The following TBC1D15 variants were observed in gnomAD, a reference collection of about 807,000 sequenced individuals.
TBC1D15 encodes the protein TBC1 domain family member 15, also known as GAP for RAB7.
Under a neutral mutation model 95.4 loss-of-function variants are expected in TBC1D15, and 39 were observed. The observed-to-expected ratio is 0.41, with a 90% confidence interval of 0.32 to 0.53. TBC1D15 has a LOEUF of 0.53. Among genes scored for constraint, TBC1D15 ranks in the 20% least tolerant of loss-of-function variants. TBC1D15 has a pLI of 0.29. For synonymous variants in TBC1D15, 258 were observed against 261.3 expected, an observed-to-expected ratio of 0.99 and a Z score of 0.12; for missense variants, 733 against 794.3, an observed-to-expected ratio of 0.92 and a Z score of 0.93.
chr12:71,855,156 C>T (rs574394660), intron 1 of TBC1D15, among the ~76,000 whole-genome samples: 38 of 152,172 alleles, frequency 2.5e-4, no homozygotes, highest in African/African-American at 8.7e-4. Context: ...GGGAAACTGC[C>T]ACTTTTAAAC....
intron 1 of TBC1D15, among the ~76,000 whole-genome samples, chr12:71,857,379 AT>A (rs535515000): frequency 1.6e-4 from 25 of 152,184 alleles, no homozygotes; most frequent in African/African-American, 5.5e-4. Context: ...TAACAAAATA[AT>A]TTTTTTGTGA....
At chr12:71,839,833 G>C (rs970589387) in intron 1 of TBC1D15, 22 bp downstream of exon 1, 1 of 1,614,146 alleles carries the variant, frequency 6.2e-7, no homozygotes, top group Non-Finnish European at 8.5e-7. Flanking sequence ...CCTCCAGGAA[G>C]ACCTCGGCTT....
At chr12:71,874,611 T>C (rs969559764) in intron 3 of TBC1D15, among the ~76,000 whole-genome samples, 1 of 151,162 alleles carries the variant, frequency 6.6e-6, no homozygotes, top group Non-Finnish European at 1.5e-5. Flanking sequence ...TTTATTTATT[T>C]ATATTTACTA....
At position 71,855,560 on chromosome 12, in the gene TBC1D15, T is replaced by A. The variant is rs186005022; in HGVS notation, c.30+15749T>A. 1.4e-3 allele frequency among the ~76,000 whole-genome samples: 201 copies of A among 147,998 alleles called. 2 individuals are homozygous for A. The highest frequency in any genetic ancestry group is 1.3e-3 in the Non-Finnish European group (90 of 67,520). ...GTGTGTGCCTGTAGTCCCAGCTACT[T>A]GGGAGGCTGAGGCAGGAGAATGGTG... On this transcript the variant is annotated intron_variant, in intron 1 of 16. Coordinates refer to ENST00000485960, the MANE Select transcript of TBC1D15 (RefSeq NM_001146213.3).
At chr12:71,841,802 C>A (rs1376867510) in intron 1 of TBC1D15, among the ~76,000 whole-genome samples, 1 of 152,116 alleles carries the variant, frequency 6.6e-6, no homozygotes. Context: ...CTGATAATCT[C>A]TTGATTTAAA....
chr12:71,855,390 A>G (rs1361747494), intron 1 of TBC1D15, among the ~76,000 whole-genome samples: 2 of 152,146 alleles, frequency 1.3e-5, no homozygotes, highest in Non-Finnish European at 2.9e-5. Context: ...CATACTTACC[A>G]TATAGCTGAA....
intron 16 of TBC1D15, among the ~76,000 whole-genome samples, chr12:71,922,708 A>G (rs912464078): frequency 3.3e-5 from 5 of 152,242 alleles, no homozygotes; most frequent in Non-Finnish European, 5.9e-5. Context: ...AAAGAGATAA[A>G]TGCCAAATAT....
chr12:71,880,374 T>C lies in TBC1D15; in HGVS notation c.205-95T>C, dbSNP rs943237891. On this transcript the variant is annotated intron_variant, in intron 3 of 16. Coordinates refer to ENST00000485960, the MANE Select transcript of TBC1D15 (RefSeq NM_001146213.3). ...CAGTTTTCCCACCAGTGATGTCGTC[T>C]GCAGCCTGCCTACAAACATTGAAGC... 1.6e-5 allele frequency: 17 copies of C among 1,074,006 alleles called. No homozygotes were observed. The South Asian group carries it at 2.6e-4, about 17-fold the overall frequency. 66.5% of individuals were successfully genotyped at this position (1,074,006 alleles called of 1,614,324 possible).
At chr12:71,872,398 T>C (rs1381221833) in intron 2 of TBC1D15, among the ~76,000 whole-genome samples, 1 of 152,190 alleles carries the variant, frequency 6.6e-6, no homozygotes, top group East Asian at 1.9e-4. Context: ...TTATCAAAAA[T>C]GCATTTAATA....
chr12:71,912,231 A>G (rs182794791), intron 11 of TBC1D15, among the ~76,000 whole-genome samples: 20 of 152,184 alleles, frequency 1.3e-4, no homozygotes, highest in Admixed American at 1.0e-3. Flanking sequence ...TATTTTAGAA[A>G]CCATCTGTGT....
At chr12:71,917,540 G>A (rs529125484) in intron 12 of TBC1D15, among the ~76,000 whole-genome samples, 158 bp from the exon 13 acceptor site, 39 of 152,130 alleles carry the variant, frequency 2.6e-4, no homozygotes, top group African/African-American at 8.9e-4. Flanking sequence ...CTCCCTTTTA[G>A]TGTTACGTTA....
chr12:71,892,849 G>A (rs759980181), intron 5 of TBC1D15, among the ~76,000 whole-genome samples: 1 of 151,366 alleles, frequency 6.6e-6, no homozygotes, highest in African/African-American at 2.4e-5. Context: ...GTCTGTTTTG[G>A]CTTTCTTTAA....
intron 11 of TBC1D15, among the ~76,000 whole-genome samples, chr12:71,908,834 G>A (rs1310529334): frequency 6.6e-6 from 1 of 152,204 alleles, no homozygotes. Context: ...GATTCAGAGT[G>A]TGACTTATGG....
intron 5 of TBC1D15, among the ~76,000 whole-genome samples, chr12:71,887,545 C>T (rs980312925): frequency 6.6e-6 from 1 of 152,140 alleles, no homozygotes; most frequent in Non-Finnish European, 1.5e-5. Flanking sequence ...CCTAAAACCC[C>T]CTAAACTCTT....
intron 11 of TBC1D15, chr12:71,907,741 C>T (rs761129512): frequency 2.6e-5 from 4 of 152,196 alleles, no homozygotes; most frequent in Middle Eastern, 3.4e-3. Context: ...GTTTGCAAAC[C>T]GTTGTTTGAT....
chr12:71,914,568 C>T (rs1440091857), intron 12 of TBC1D15, among the ~76,000 whole-genome samples: 1 of 151,820 alleles, frequency 6.6e-6, no homozygotes, highest in African/African-American at 2.4e-5. Flanking sequence ...TCTCTTCAAG[C>T]AATCTCAGAA....
At chr12:71,870,864 A>T (rs1346115029) in intron 1 of TBC1D15, among the ~76,000 whole-genome samples, 1 of 152,192 alleles carries the variant, frequency 6.6e-6, no homozygotes, top group Admixed American at 6.5e-5. Context: ...AAACAGGAAG[A>T]TACATACCTA....
chr12:71,859,280 A>G (rs1417528377), intron 1 of TBC1D15, among the ~76,000 whole-genome samples: 2 of 151,516 alleles, frequency 1.3e-5, no homozygotes, highest in Admixed American at 6.6e-5. Context: ...TTATTTGCCC[A>G]TTTTGAAATT....
At chr12:71,845,327 T>C (rs747243532) in intron 1 of TBC1D15, among the ~76,000 whole-genome samples, 2 of 152,196 alleles carry the variant, frequency 1.3e-5, no homozygotes, top group Non-Finnish European at 2.9e-5. Flanking sequence ...GGAAGGTGAC[T>C]AGATCAGAAG....
Sources: allele counts gnomAD v4.1 joint callset (sites outside exome capture counted in the v4.1 genomes callset), GRCh38; gene constraint gnomAD v4.1.1; transcripts MANE v1.5; gene names NCBI Gene and HGNC (gene_info 2026-07-23, HGNC 2026-07-21).